SGCG: variants seen among roughly 807,000 people sequenced by gnomAD.
The protein encoded by SGCG is gamma-sarcoglycan.
In SGCG, 26 loss-of-function variants were observed where a neutral mutation model predicts 29.3. The ratio of observed to expected loss-of-function variants is 0.89; its 90% CI spans 0.65 to 1.23. The LOEUF is 1.23. Ranked by LOEUF, SGCG falls within the 50% of genes most tolerant of loss-of-function variation. The pLI is 0.00. For synonymous variants in SGCG, 145 were observed against 129.7 expected (o/e 1.12, Z -0.80); for missense variants, 353 against 356.0 (o/e 0.99, Z 0.07).
chr13:23,228,487 T>A (rs978946131), intron 2 of SGCG, among the ~76,000 whole-genome samples: 1 of 152,190 alleles, frequency 6.6e-6, no homozygotes, highest in Non-Finnish European at 1.5e-5. Context: ...GGAATACATG[T>A]GTAGGTTTGT....
the SGCG span, among the ~76,000 whole-genome samples, chr13:23,172,954 T>C: frequency 6.6e-6 from 1 of 152,356 alleles, no homozygotes; most frequent in South Asian, 2.1e-4. Context: ...GATATGTGGT[T>C]GTCAAATGCT....
rs61946706 is a variant in SGCG, at chr13:23,279,627, T to C, written c.505+149T>C. 159,454 of 752,588 alleles carry C rather than the reference T, an allele frequency of 0.21. 18,319 individuals carry two copies. The highest frequency in any genetic ancestry group is 0.24 in the Non-Finnish European group (105,301 of 447,388). The allele number at this position is 752,588 out of a possible 1,614,324, so 46.6% of individuals were successfully genotyped here. A position where few individuals can be genotyped will look rare whatever the true frequency, so the allele number is the denominator to read the frequency against. ...TTTCTCCATTGCATTTCTGTTGAACTCCCTCGATGCTCTCCTAGAAGAACA... is the reference window on the plus strand; with the variant it reads ...TTTCTCCATTGCATTTCTGTTGAACCCCCTCGATGCTCTCCTAGAAGAACA... On this transcript the variant is annotated intron_variant, in intron 5 of 7. Transcript: ENST00000218867.
At chr13:23,265,360 C>T (rs752188005) in intron 4 of SGCG, among the ~76,000 whole-genome samples, 1 of 152,086 alleles carries the variant, frequency 6.6e-6, no homozygotes. Context: ...AGGAGGATCA[C>T]GAGGTCAAAA....
intron 4 of SGCG, among the ~76,000 whole-genome samples, chr13:23,275,835 C>T (rs188082858): frequency 2.6e-5 from 4 of 152,182 alleles, no homozygotes; most frequent in Admixed American, 2.0e-4. Context: ...GCAGAATATA[C>T]GTTTCCTTTT....
At chr13:23,315,700 G>A (rs1032989116) in intron 6 of SGCG, among the ~76,000 whole-genome samples, 2 of 152,220 alleles carry the variant, frequency 1.3e-5, no homozygotes, top group African/African-American at 2.4e-5. Flanking sequence ...CGCATGGAAG[G>A]AGAAATGGCC....
intron 1 of SGCG, among the ~76,000 whole-genome samples, chr13:23,203,106 C>T (rs973889151): frequency 3.9e-5 from 6 of 152,170 alleles, no homozygotes; most frequent in African/African-American, 1.4e-4. Context: ...ACTACAGGCG[C>T]CTGCCACCAT....
At chr13:23,310,066 C>G (rs1882507267) in intron 6 of SGCG, among the ~76,000 whole-genome samples, 1 of 142,422 alleles carries the variant, frequency 7.0e-6, no homozygotes, top group African/African-American at 2.6e-5. Context: ...AGTATTTTTG[C>G]CTTGTTTTTC....
chr13:23,172,883 G>A, the SGCG span, among the ~76,000 whole-genome samples: 2 of 152,192 alleles, frequency 1.3e-5, no homozygotes, highest in Non-Finnish European at 2.9e-5. Context: ...GGAGAAAAGG[G>A]TTAAAGAAGG....
intron 4 of SGCG, among the ~76,000 whole-genome samples, chr13:23,270,672 T>C (rs1036962115): frequency 1.3e-5 from 2 of 152,224 alleles, no homozygotes; most frequent in African/African-American, 4.8e-5. Flanking sequence ...GTAACACTTT[T>C]ATTTTTACTT....
At chr13:23,243,876 T>C (rs942965914) in intron 3 of SGCG, 1 of 152,204 alleles carries the variant, frequency 6.6e-6, no homozygotes, top group Non-Finnish European at 1.5e-5. Context: ...CTCATTATCA[T>C]GCTAATTATT....
chr13:23,183,515 C>A (rs142533118), intron 1 of SGCG, among the ~76,000 whole-genome samples: 2 of 152,126 alleles, frequency 1.3e-5, no homozygotes, highest in Non-Finnish European at 1.5e-5. Context: ...ATACAAATAG[C>A]CCTCCTGGCA....
intron 5 of SGCG, among the ~76,000 whole-genome samples, chr13:23,287,056 T>C (rs1015711477): frequency 6.6e-6 from 1 of 152,214 alleles, no homozygotes; most frequent in African/African-American, 2.4e-5. Flanking sequence ...GGCAGAATTC[T>C]AAGGATGCCC....
At chr13:23,309,248 CGA>C (rs201756388) in intron 6 of SGCG, among the ~76,000 whole-genome samples, 32 of 149,072 alleles carry the variant, frequency 2.1e-4, no homozygotes, top group Non-Finnish European at 1.8e-4. Flanking sequence ...ATACATATGC[CGA>C]GAGAGAGAGA....
At chr13:23,267,207 T>A (rs1261262947) in intron 4 of SGCG, among the ~76,000 whole-genome samples, 1 of 152,220 alleles carries the variant, frequency 6.6e-6, no homozygotes, top group Non-Finnish European at 1.5e-5. Flanking sequence ...AGTTGGGTTT[T>A]CTGAGACCCA....
chr13:23,213,394 A>G (rs1371062298), intron 2 of SGCG, among the ~76,000 whole-genome samples: 3 of 152,192 alleles, frequency 2.0e-5, no homozygotes, highest in Admixed American at 1.3e-4. Flanking sequence ...AGGCAGGAGA[A>G]TCACTTGAAC....
intron 2 of SGCG, among the ~76,000 whole-genome samples, chr13:23,212,116 T>A (rs770668651): frequency 1.3e-5 from 2 of 152,116 alleles, no homozygotes; most frequent in Non-Finnish European, 2.9e-5. Flanking sequence ...TCCACCATGA[T>A]TATAAGTTTC....
chr13:23,324,551 G>C lies in SGCG; in HGVS notation c.*10G>C. On this transcript the variant is annotated 3_prime_UTR_variant, in exon 8 of 8. Coordinates refer to ENST00000218867, the MANE Select transcript of SGCG (RefSeq NM_000231.3). ...CCACATCTGCCTCTGAGCTGCCTGC[G>C]TCCTCTCGGTGAGCTGTGCAGTGCC... The C allele has an allele frequency of 3.1e-6, 5 of 1,607,154 alleles. No individual in the cohort carries two copies. Among genetic ancestry groups the C allele is most frequent in the Non-Finnish European group, 4.2e-6 (5 of 1,179,334 alleles).
the SGCG span, among the ~76,000 whole-genome samples, chr13:23,171,298 A>C: frequency 6.6e-6 from 1 of 152,214 alleles, no homozygotes; most frequent in Non-Finnish European, 1.5e-5. Flanking sequence ...ATTAACCTTA[A>C]ATGGGAGATA....
At chr13:23,254,070 C>G (rs1880085146) in intron 4 of SGCG, among the ~76,000 whole-genome samples, 1 of 152,142 alleles carries the variant, frequency 6.6e-6, no homozygotes, top group African/African-American at 2.4e-5. Context: ...TCGAGTAACA[C>G]AGAAAATTGG....
Sources: allele counts gnomAD v4.1 joint callset (sites outside exome capture counted in the v4.1 genomes callset), GRCh38; gene constraint gnomAD v4.1.1; transcripts MANE v1.5; gene names NCBI Gene and HGNC (gene_info 2026-07-23, HGNC 2026-07-21).